Variants in LIPC observed in about 807,000 individuals in gnomAD.
The protein encoded by LIPC is lipase C, hepatic type, also known as hepatic triacylglycerol lipase.
A neutral mutation model predicts 50.7 loss-of-function variants in LIPC; 44 were observed. The ratio of observed to expected loss-of-function variants is 0.87; its 90% confidence interval spans 0.68 to 1.11. LIPC has a LOEUF of 1.11. Ranked by LOEUF, LIPC falls within the 50% of genes most tolerant of loss-of-function variation. The pLI is 0.00. For synonymous variants in LIPC, 271 were observed against 256.4 expected, an observed-to-expected ratio of 1.06 and a Z score of -0.54; for missense variants, 697 against 648.2, an observed-to-expected ratio of 1.08 and a Z score of -0.82.
chr15:58,476,026 A>C (rs564713624), intron 1 of LIPC, among the ~76,000 whole-genome samples: 1 of 152,388 alleles, frequency 6.6e-6, no homozygotes, highest in African/African-American at 2.4e-5. Context: ...TTCTTACACC[A>C]GGCAGCGTGC....
chr15:58,508,071 C>A (rs1892211413), intron 1 of LIPC, among the ~76,000 whole-genome samples: 1 of 152,176 alleles, frequency 6.6e-6, no homozygotes, highest in Non-Finnish European at 1.5e-5. Flanking sequence ...AGACTTCAGT[C>A]TTTCTTCCTG....
chr15:58,555,728 GACTCCCT>G (rs1566950202), intron 6 of LIPC, among the ~76,000 whole-genome samples: 6 of 152,170 alleles, frequency 3.9e-5, no homozygotes, highest in Admixed American at 2.6e-4. Flanking sequence ...GGACTGAGGC[GACTCCCT>G]GCCTCTAACA....
intron 2 of LIPC, among the ~76,000 whole-genome samples, chr15:58,539,724 C>G (rs573984090): frequency 6.6e-6 from 1 of 152,258 alleles, no homozygotes; most frequent in African/African-American, 2.4e-5. Flanking sequence ...ACATGACGTT[C>G]CAGCAACATC....
At chr15:58,482,763 A>G (rs1184135039) in intron 1 of LIPC, among the ~76,000 whole-genome samples, 3 of 152,200 alleles carry the variant, frequency 2.0e-5, no homozygotes, top group Non-Finnish European at 2.9e-5. Context: ...TACAGCAAGC[A>G]AAAAACCTTA....
chr15:58,541,991 T>G, intron 3 of LIPC, 24 bp downstream of exon 3: 1 of 1,593,716 alleles, frequency 6.3e-7, no homozygotes, highest in Non-Finnish European at 8.5e-7. Context: ...CCATCCTTCC[T>G]TCACCTCCCT....
At chr15:58,465,526 G>C (rs1894523212) in intron 1 of LIPC, among the ~76,000 whole-genome samples, 1 of 152,200 alleles carries the variant, frequency 6.6e-6, no homozygotes, top group Non-Finnish European at 1.5e-5. Context: ...GGGCTGGGCT[G>C]GGAGGAAGAG....
At chr15:58,455,542 T>A (rs770443723) in intron 1 of LIPC, among the ~76,000 whole-genome samples, 1 of 152,236 alleles carries the variant, frequency 6.6e-6, no homozygotes, top group African/African-American at 2.4e-5. Context: ...AATGATTTGA[T>A]TGAGCAAAGA....
chr15:58,554,292 TCA>T (rs1893860750), intron 6 of LIPC, among the ~76,000 whole-genome samples: 3 of 152,150 alleles, frequency 2.0e-5, no homozygotes, highest in Non-Finnish European at 4.4e-5. Flanking sequence ...ACATTCGAGG[TCA>T]ATGGACTATT....
chr15:58,562,922 T>C (rs1475076124), intron 7 of LIPC, among the ~76,000 whole-genome samples: 1 of 152,054 alleles, frequency 6.6e-6, no homozygotes, highest in Non-Finnish European at 1.5e-5. Context: ...CTCGCTGCTC[T>C]GTCAACGTTG....
chr15:58,469,102 T>TTGTGTGTTTG (rs1894683326), intron 1 of LIPC, among the ~76,000 whole-genome samples: 1 of 140,624 alleles, frequency 7.1e-6, no homozygotes, highest in Non-Finnish European at 1.5e-5. Context: ...AGGGAACATT[T>TTGTGTGTTTG]TGTGTGTGTG....
chr15:58,501,768 T>C (rs1178643746), intron 1 of LIPC, among the ~76,000 whole-genome samples: 3 of 152,130 alleles, frequency 2.0e-5, no homozygotes, highest in African/African-American at 7.2e-5. Flanking sequence ...CAAACCCAAA[T>C]TTCTTTCTTA....
intron 1 of LIPC, among the ~76,000 whole-genome samples, chr15:58,479,960 C>T (rs16940347): frequency 0.028 from 4,331 of 152,284 alleles, 66 homozygotes; most frequent in Middle Eastern, 0.037. Context: ...AAAGTGCCTC[C>T]AATCTAAGTT....
intron 1 of LIPC, among the ~76,000 whole-genome samples, chr15:58,459,675 G>T (rs2140703127): frequency 6.6e-6 from 1 of 152,354 alleles, no homozygotes; most frequent in African/African-American, 2.4e-5. Context: ...CCCACACTGG[G>T]ATTGAAAATC....
chr15:58,496,743 C>CAAAAAAAAAAAAA lies in LIPC; in HGVS notation c.89-41585_89-41573dup, dbSNP rs10716717. Among the ~76,000 whole-genome samples, 28 of 114,174 alleles carry CAAAAAAAAAAAAA rather than the reference C, an allele frequency of 2.5e-4. 1 individual carries two copies. The highest frequency in any genetic ancestry group is 1.1e-3 in the Admixed American group (11 of 9,648). The allele number at this position is 114,174 out of a possible 152,430, so 74.9% of individuals were successfully genotyped here. A position where few individuals can be genotyped will look rare whatever the true frequency, so the allele number is the denominator to read the frequency against. On this transcript the variant is annotated intron_variant, in intron 1 of 8. Transcript: ENST00000299022. ...GCCCTGCTACAGAAGTCTTCCCCCT[C>CAAAAAAAAAAAAA]AAAAAAAAAAAAAAAAATTAAGATG... is the stretch of plus-strand genomic sequence containing the variant.
chr15:58,463,723 A>G (rs557235295), intron 1 of LIPC, among the ~76,000 whole-genome samples: 45 of 152,236 alleles, frequency 3.0e-4, no homozygotes, highest in African/African-American at 1.1e-3. Context: ...CGACCTAGGC[A>G]TTGGGTCCTG....
intron 4 of LIPC, among the ~76,000 whole-genome samples, chr15:58,542,979 G>C (rs1215008867): frequency 6.6e-6 from 1 of 152,192 alleles, no homozygotes; most frequent in South Asian, 2.1e-4. Context: ...AGTCCAATTT[G>C]GGCGAGTTAA....
chr15:58,485,968 T>G (rs1891360667), intron 1 of LIPC, among the ~76,000 whole-genome samples: 1 of 152,204 alleles, frequency 6.6e-6, no homozygotes. Flanking sequence ...TCTCTAGAAT[T>G]CATCTAGTGA....
intron 1 of LIPC, among the ~76,000 whole-genome samples, chr15:58,532,786 G>T (rs924827890): frequency 1.3e-5 from 2 of 152,140 alleles, no homozygotes; most frequent in Non-Finnish European, 2.9e-5. Flanking sequence ...ATTGCCTGCA[G>T]TCACCCATCT....
At chr15:58,511,288 C>T (rs939461619) in intron 1 of LIPC, among the ~76,000 whole-genome samples, 10 of 152,206 alleles carry the variant, frequency 6.6e-5, no homozygotes, top group African/African-American at 2.4e-4. Flanking sequence ...TCTTCTCTGT[C>T]TCGGGGATCT....
Sources: allele counts gnomAD v4.1 joint callset (sites outside exome capture counted in the v4.1 genomes callset), GRCh38; gene constraint gnomAD v4.1.1; transcripts MANE v1.5; gene names NCBI Gene and HGNC (gene_info 2026-07-23, HGNC 2026-07-21).